The following MYO1E variants were observed in gnomAD, a reference collection of about 807,000 sequenced individuals.
The protein encoded by MYO1E is myosin IE.
In MYO1E, 68 loss-of-function variants were observed where a neutral mutation model predicts 151.1. That is an observed-to-expected ratio of 0.45 (90% CI 0.37 to 0.55). The LOEUF (loss-of-function observed/expected upper bound fraction) is 0.55, where lower values mean the gene tolerates loss of function less well. MYO1E is among the 20% of genes least tolerant of loss of function. The pLI is 0.00. For missense variants in MYO1E, 1,363 were observed against 1,389.3 expected, an observed-to-expected ratio of 0.98 and a Z score of 0.30; for synonymous variants, 601 against 501.7, an observed-to-expected ratio of 1.20 and a Z score of -2.64.
chr15:59,262,487 G>C (rs1289651043), intron 2 of MYO1E, among the ~76,000 whole-genome samples: 1 of 151,984 alleles, frequency 6.6e-6, no homozygotes, highest in Admixed American at 6.6e-5. Context: ...CATTAGCCAG[G>C]CATGGGGGCG....
intron 1 of MYO1E, among the ~76,000 whole-genome samples, chr15:59,359,178 C>G (rs2080871297): frequency 1.3e-5 from 2 of 151,748 alleles, no homozygotes; most frequent in Admixed American, 1.3e-4. Flanking sequence ...ATAATCCCAG[C>G]ATTTTGGGCC....
chr15:59,313,446 T>C (rs1376219092), intron 1 of MYO1E, among the ~76,000 whole-genome samples: 4 of 152,180 alleles, frequency 2.6e-5, no homozygotes, highest in African/African-American at 9.7e-5. Flanking sequence ...GACTTAATTG[T>C]GGTTATCTAG....
chr15:59,182,320 C>A (rs2079666776), intron 18 of MYO1E, among the ~76,000 whole-genome samples: 1 of 152,124 alleles, frequency 6.6e-6, no homozygotes, highest in Non-Finnish European at 1.5e-5. Flanking sequence ...TCAAGCGATT[C>A]TCCTGCCTCA....
chr15:59,306,937 T>A (rs2080518166), intron 1 of MYO1E, among the ~76,000 whole-genome samples: 1 of 152,164 alleles, frequency 6.6e-6, no homozygotes, highest in South Asian at 2.1e-4. Flanking sequence ...GCAGCAAGCG[T>A]TCTCATTCCT....
chr15:59,303,322 G>A (rs764578009), intron 1 of MYO1E, among the ~76,000 whole-genome samples: 3 of 152,138 alleles, frequency 2.0e-5, no homozygotes, highest in Non-Finnish European at 4.4e-5. Context: ...GCCTGAGATG[G>A]GAGAATCACC....
In MYO1E at chr15:59,207,411, T is replaced by C. The variant is rs578172582; in HGVS notation, c.1530+1270A>G. On this transcript the variant is annotated intron_variant, in intron 14 of 27. Coordinates refer to ENST00000288235, the MANE Select transcript of MYO1E (RefSeq NM_004998.4). ...AAGAAAAGGGAGAAACGCGCCTTAATTTAGTCCAGCGAAATGTGGCCATCT... is the reference window on the plus strand; with the variant it reads ...AAGAAAAGGGAGAAACGCGCCTTAACTTAGTCCAGCGAAATGTGGCCATCT... The C allele has an allele frequency of 3.3e-5, 54 of 1,614,084 alleles. No homozygotes were observed. The Middle Eastern group carries it at 6.6e-4, about 20-fold the overall frequency.
At chr15:59,185,077 A>G (rs2079687609) in intron 18 of MYO1E, among the ~76,000 whole-genome samples, 1 of 152,090 alleles carries the variant, frequency 6.6e-6, no homozygotes, top group Non-Finnish European at 1.5e-5. Context: ...TGCCATCAGC[A>G]TGTCTTTTTT....
chr15:59,330,567 T>C (rs2080692120), intron 1 of MYO1E, among the ~76,000 whole-genome samples: 1 of 152,096 alleles, frequency 6.6e-6, no homozygotes, highest in African/African-American at 2.4e-5. Context: ...GTAATAATAG[T>C]CTTTTGTAGG....
intron 22 of MYO1E, among the ~76,000 whole-genome samples, chr15:59,168,668 T>G (rs1192383892): frequency 1.3e-5 from 2 of 152,052 alleles, no homozygotes; most frequent in Non-Finnish European, 2.9e-5. Context: ...ACTACCAGGC[T>G]GGAGTGCAGT....
Position 59,218,029 on chromosome 15 carries a change from T to G in MYO1E, c.969A>C (p.Leu323=), listed in dbSNP as rs1298630595. The part of the protein sequence containing the change: ...GINQDRLKEK[L]TSRQMDSKWG... ...ACTTGCTATCCATCTGCCGGCTTGTTAGCTTTTCTTTCAACCGGTCCTGGT... is the reference window on the plus strand; with the variant it reads ...ACTTGCTATCCATCTGCCGGCTTGTGAGCTTTTCTTTCAACCGGTCCTGGT... Residue 323 remains leucine, a synonymous_variant, in exon 10 of 28, where the codon CTA becomes CTC. Coordinates refer to ENST00000288235, the MANE Select transcript of MYO1E (RefSeq NM_004998.4). 1.2e-6 allele frequency: 2 copies of G among 1,614,226 alleles called. No homozygotes were observed. The highest frequency in any genetic ancestry group is 1.7e-6 in the Non-Finnish European group (2 of 1,180,034).
Position 59,224,662 on chromosome 15 carries a change from C to T in MYO1E, c.777+27G>A, listed in dbSNP as rs376218361. The T allele has an allele frequency of 4.3e-6, 7 of 1,613,964 alleles. No homozygotes were observed. The African/African-American group carries it at 9.3e-5, about 22-fold the overall frequency. Reference sequence around the variant, plus strand: ...GAAATGGCCAGTTGGGAGAGCAGATCCTGCCTGGCCCTGCGCCAGCACTTA... The same window carrying T: ...GAAATGGCCAGTTGGGAGAGCAGATTCTGCCTGGCCCTGCGCCAGCACTTA... On this transcript the variant is annotated intron_variant, in intron 8 of 27. Transcript: ENST00000288235.
At chr15:59,308,560 T>C (rs1173099974) in intron 1 of MYO1E, among the ~76,000 whole-genome samples, 1 of 151,306 alleles carries the variant, frequency 6.6e-6, no homozygotes, top group Non-Finnish European at 1.5e-5. Context: ...TAATCCCAGC[T>C]ACATGGGAGG....
At chr15:59,176,117 GGC>G (rs2079623345) in intron 19 of MYO1E, among the ~76,000 whole-genome samples, 1 of 148,486 alleles carries the variant, frequency 6.7e-6, no homozygotes. Flanking sequence ...GGAGTGCAGT[GGC>G]GCGATCTCGG....
intron 1 of MYO1E, among the ~76,000 whole-genome samples, chr15:59,316,592 G>T (rs564114225): frequency 6.0e-4 from 91 of 152,278 alleles, no homozygotes; most frequent in African/African-American, 2.0e-3. Context: ...TTTTACATTT[G>T]TCTTTCCTAC....
intron 1 of MYO1E, among the ~76,000 whole-genome samples, chr15:59,356,522 TG>T (rs2140438034): frequency 6.6e-6 from 1 of 152,312 alleles, no homozygotes; most frequent in East Asian, 1.9e-4. Context: ...GGAAAAGACC[TG>T]GGGGTAGTTT....
At chr15:59,218,451 C>T (rs2079933544) in intron 9 of MYO1E, among the ~76,000 whole-genome samples, 1 of 152,216 alleles carries the variant, frequency 6.6e-6, no homozygotes, top group Admixed American at 6.5e-5. Flanking sequence ...GGAAGGAACT[C>T]AATCAAGAAA....
At chr15:59,372,106 C>G (rs559791108) in intron 1 of MYO1E, among the ~76,000 whole-genome samples, 1 of 150,644 alleles carries the variant, frequency 6.6e-6, no homozygotes, top group South Asian at 2.1e-4. Context: ...ACGCCGCCAG[C>G]GGCTGCGGCG....
rs1555405928 is a variant in MYO1E, at chr15:59,135,783, C to CTAAG, written c.*1593_*1596dup. ...CTCAAAGGTGTATGCTGCTCAAACT[C>CTAAG]TAAGTTACCAGTAGCTTAAGAATGG... On this transcript the variant is annotated 3_prime_UTR_variant, in exon 28 of 28. Transcript: ENST00000288235. 2 of 152,166 alleles carry CTAAG rather than the reference C, an allele frequency of 1.3e-5. No homozygotes were observed. Among genetic ancestry groups the CTAAG allele is most frequent in the African/African-American group, 2.4e-5 (1 of 41,436 alleles). 9.4% of individuals were successfully genotyped at this position (152,166 alleles called of 1,614,324 possible).
At chr15:59,255,421 G>A (rs1303310048) in intron 4 of MYO1E, among the ~76,000 whole-genome samples, 1 of 151,982 alleles carries the variant, frequency 6.6e-6, no homozygotes, top group Non-Finnish European at 1.5e-5. Flanking sequence ...TCAAGATGGA[G>A]TCTCACTCTG....
Sources: allele counts gnomAD v4.1 joint callset (sites outside exome capture counted in the v4.1 genomes callset), GRCh38; gene constraint gnomAD v4.1.1; transcripts MANE v1.5; gene names NCBI Gene and HGNC (gene_info 2026-07-23, HGNC 2026-07-21).